DLC1: variants seen among roughly 807,000 people sequenced by gnomAD.
The protein encoded by DLC1 is DLC1 Rho GTPase activating protein, also known as rho GTPase-activating protein 7.
Under a neutral mutation model 140.3 loss-of-function variants are expected in DLC1, and 54 were observed. The observed-to-expected ratio is 0.38, with a 90% CI of 0.31 to 0.48. DLC1 has a LOEUF of 0.48. DLC1 is among the 20% of genes least tolerant of loss of function. The probability of loss-of-function intolerance (pLI) is 0.96; values close to 1 mark genes in which losing one functional copy is unlikely to be tolerated. For synonymous variants in DLC1, 986 were observed against 728.1 expected, an observed-to-expected ratio of 1.35 and a Z score of -5.70; for missense variants, 2,536 against 1,907.0, an observed-to-expected ratio of 1.33 and a Z score of -6.14.
At chr8:13,140,830 C>G (rs770893122) in intron 5 of DLC1, among the ~76,000 whole-genome samples, 12 of 152,118 alleles carry the variant, frequency 7.9e-5, no homozygotes, top group Non-Finnish European at 1.5e-4. Context: ...AGGTCATTTA[C>G]TAGATAGGGT....
intron 4 of DLC1, among the ~76,000 whole-genome samples, chr8:13,350,860 GA>G (rs1012990277): frequency 1.3e-5 from 2 of 152,170 alleles, no homozygotes; most frequent in Non-Finnish European, 2.9e-5. Context: ...AGCCGCTCTT[GA>G]AAATTGTTTT....
chr8:13,450,092 A>C (rs1177852521), intron 2 of DLC1, among the ~76,000 whole-genome samples: 1 of 152,026 alleles, frequency 6.6e-6, no homozygotes, highest in Non-Finnish European at 1.5e-5. Context: ...AAATAAATCA[A>C]ATTAAGTAAA....
At chr8:13,284,244 C>T (rs559549665) in intron 5 of DLC1, among the ~76,000 whole-genome samples, 3 of 152,202 alleles carry the variant, frequency 2.0e-5, no homozygotes, top group South Asian at 4.1e-4. Flanking sequence ...GTTAAGATAA[C>T]GGCCTGGCGC....
chr8:13,126,380 C>G (rs559805520), intron 5 of DLC1, among the ~76,000 whole-genome samples: 25 of 151,834 alleles, frequency 1.6e-4, no homozygotes, highest in Non-Finnish European at 2.8e-4. Flanking sequence ...CACACACACA[C>G]ACACACACAC....
intron 2 of DLC1, among the ~76,000 whole-genome samples, chr8:13,460,905 T>C (rs144921204): frequency 1.6e-4 from 24 of 152,222 alleles, no homozygotes; most frequent in Non-Finnish European, 3.1e-4. Context: ...AAAAACAGGG[T>C]CCTGTGCGTG....
intron 5 of DLC1, among the ~76,000 whole-genome samples, chr8:13,149,871 G>A (rs1195615774): frequency 2.0e-5 from 3 of 152,214 alleles, no homozygotes; most frequent in African/African-American, 4.8e-5. Context: ...CACTGGGTTG[G>A]GGAATACTTG....
intron 4 of DLC1, chr8:13,341,861 T>C (rs1834069671): frequency 6.6e-6 from 1 of 152,292 alleles, no homozygotes; most frequent in African/African-American, 2.4e-5. Flanking sequence ...ATGTCATCCA[T>C]CAGATTCTCT....
At chr8:13,549,583 CA>C (rs1253858508) in intron 1 of DLC1, among the ~76,000 whole-genome samples, 1 of 151,914 alleles carries the variant, frequency 6.6e-6, no homozygotes, top group Non-Finnish European at 1.5e-5. Flanking sequence ...ACAACGAATC[CA>C]AAAAAAGCTG....
chr8:13,450,704 G>T (rs1019830724), intron 2 of DLC1, among the ~76,000 whole-genome samples: 5 of 151,918 alleles, frequency 3.3e-5, no homozygotes, highest in African/African-American at 1.2e-4. Flanking sequence ...AAAATTAACA[G>T]CCATCAACAT....
intron 5 of DLC1, among the ~76,000 whole-genome samples, chr8:13,218,414 G>A (rs1828315885): frequency 6.6e-6 from 1 of 152,168 alleles, no homozygotes; most frequent in South Asian, 2.1e-4. Context: ...AGGCTTTTGT[G>A]CGTCAAAGGA....
At chr8:13,225,748 T>C (rs1376381673) in intron 5 of DLC1, among the ~76,000 whole-genome samples, 1 of 151,864 alleles carries the variant, frequency 6.6e-6, no homozygotes, top group Non-Finnish European at 1.5e-5. Flanking sequence ...CCTGAGTAGC[T>C]GGGACTACAG....
intron 5 of DLC1, among the ~76,000 whole-genome samples, chr8:13,201,154 A>G (rs1461610130): frequency 6.6e-6 from 1 of 152,110 alleles, no homozygotes; most frequent in African/African-American, 2.4e-5. Flanking sequence ...AAAAAAGCCA[A>G]CAGCCTGTTT....
chr8:13,580,065 G>T (rs979073250), intron 1 of DLC1, among the ~76,000 whole-genome samples: 2 of 151,986 alleles, frequency 1.3e-5, no homozygotes, highest in Non-Finnish European at 2.9e-5. Flanking sequence ...TTTAAGGAGG[G>T]CCCCAATCCC....
At chr8:13,232,106 G>C (rs1285762479) in intron 5 of DLC1, among the ~76,000 whole-genome samples, 2 of 152,072 alleles carry the variant, frequency 1.3e-5, no homozygotes, top group African/African-American at 4.8e-5. Context: ...CATTTCACTT[G>C]GCCTTTGGTG....
At chr8:13,467,770 A>C (rs1251330346) in intron 2 of DLC1, among the ~76,000 whole-genome samples, 1 of 152,150 alleles carries the variant, frequency 6.6e-6, no homozygotes, top group Non-Finnish European at 1.5e-5. Context: ...CTTTTTCCAA[A>C]TACTTTTTCT....
chr8:13,237,236 T>C (rs1029046235), intron 5 of DLC1, among the ~76,000 whole-genome samples: 1 of 106,144 alleles, frequency 9.4e-6, no homozygotes, highest in African/African-American at 3.3e-5. Flanking sequence ...TACATATATA[T>C]ATATACACAC....
intron 5 of DLC1, among the ~76,000 whole-genome samples, chr8:13,268,820 T>C (rs890246317): frequency 6.6e-6 from 1 of 151,932 alleles, no homozygotes; most frequent in Non-Finnish European, 1.5e-5. Context: ...TTTAAACCCG[T>C]GTTTCTCAAC....
At chr8:13,414,902 C>T (rs1340204359) in intron 2 of DLC1, among the ~76,000 whole-genome samples, 2 of 152,078 alleles carry the variant, frequency 1.3e-5, no homozygotes, top group African/African-American at 2.4e-5. Flanking sequence ...CCTCCACCTC[C>T]CAGGTTCAAG....
Position 13,514,763 on chromosome 8 carries a change from A to G in DLC1, c.-287T>C, listed in dbSNP as rs1294210318. On this transcript the variant is annotated 5_prime_UTR_variant, in exon 1 of 18. Coordinates refer to ENST00000276297, the MANE Select transcript of DLC1 (RefSeq NM_182643.3). The stretch of plus-strand genomic sequence containing the variant: ...TTTCACGCAGTGTGTGAGTCTAACA[A>G]AAACACCCTCTGCAGCTGGAGGGAG... 2 of 397,484 alleles carry G rather than the reference A, an allele frequency of 5.0e-6. No individual in the cohort carries two copies. Among genetic ancestry groups the G allele is most frequent in the East Asian group, 3.6e-5 (1 of 28,066 alleles). The allele number at this position is 397,484 out of a possible 1,614,324, so 24.6% of individuals were successfully genotyped here.
Sources: allele counts gnomAD v4.1 joint callset (sites outside exome capture counted in the v4.1 genomes callset), GRCh38; gene constraint gnomAD v4.1.1; transcripts MANE v1.5; gene names NCBI Gene and HGNC (gene_info 2026-07-23, HGNC 2026-07-21).